ACO2: variants seen among roughly 807,000 people sequenced by gnomAD.
ACO2 encodes aconitase 2.
In ACO2, 31 loss-of-function variants were observed where a neutral mutation model predicts 84.5. That is an observed-to-expected ratio of 0.37 (90% CI 0.28 to 0.50). The LOEUF is 0.50. Ranked by LOEUF, ACO2 falls within the 20% of genes least tolerant of loss-of-function variation. The probability of loss-of-function intolerance (pLI) is 0.97; values close to 1 mark genes in which losing one functional copy is unlikely to be tolerated. For missense variants in ACO2, 685 were observed against 1,029.3 expected (o/e 0.67, Z 4.58); for synonymous variants, 414 against 412.7 (o/e 1.00, Z -0.04).
chr22:41,485,949 GGTGA>G (rs983370261), intron 1 of ACO2, among the ~76,000 whole-genome samples: 94 of 152,168 alleles, frequency 6.2e-4, no homozygotes, highest in African/African-American at 2.1e-3. Context: ...TGCTTCACTT[GGTGA>G]GTCTCTGTGT....
intron 1 of ACO2, among the ~76,000 whole-genome samples, chr22:41,469,734 TATA>T (rs2037919946): frequency 6.6e-6 from 1 of 152,180 alleles, no homozygotes; most frequent in Non-Finnish European, 1.5e-5. Flanking sequence ...TAGTAAATAA[TATA>T]ATAATAGTCT....
chr22:41,480,782 T>G (rs2038077616), intron 1 of ACO2, among the ~76,000 whole-genome samples: 1 of 152,202 alleles, frequency 6.6e-6, no homozygotes. Flanking sequence ...TTTACAAGTC[T>G]TTCTAATCCT....
At chr22:41,486,702 C>T (rs1050349826) in intron 1 of ACO2, among the ~76,000 whole-genome samples, 1 of 151,816 alleles carries the variant, frequency 6.6e-6, no homozygotes. Flanking sequence ...GATCTCCTGA[C>T]GTTGTGATCC....
chr22:41,508,153 C>CCT, intron 3 of ACO2, 104 bp downstream of exon 3: 1 of 1,402,676 alleles, frequency 7.1e-7, no homozygotes, highest in Non-Finnish European at 9.7e-7. Context: ...AATTCTCACA[C>CCT]CTCTTTGGAT....
Position 41,528,899 on chromosome 22 carries a change from C to G in ACO2, c.*286C>G, listed in dbSNP as rs1266756406. ...ACTCCCATCTAAAGTTTTTCTCCTG[C>G]CTGATCATTTCATTGGTGGCTGAAG... On this transcript the variant is annotated 3_prime_UTR_variant, in exon 18 of 18. Coordinates refer to ENST00000216254, the MANE Select transcript of ACO2 (RefSeq NM_001098.3). The G allele has an allele frequency of 1.9e-6, 1 of 522,326 alleles. No homozygotes were observed. Among genetic ancestry groups the G allele is most frequent in the Admixed American group, 3.7e-5 (1 of 27,244 alleles). The allele number at this position is 522,326 out of a possible 1,614,324, so 32.4% of individuals were successfully genotyped here.
At chr22:41,519,002 C>T (rs2066498230) in intron 8 of ACO2, among the ~76,000 whole-genome samples, 1 of 152,126 alleles carries the variant, frequency 6.6e-6, no homozygotes, top group Non-Finnish European at 1.5e-5. Flanking sequence ...CCCAGTGTTC[C>T]TGCAAACTGC....
At position 41,515,563 on chromosome 22, in the gene ACO2, G is replaced by C; in HGVS notation, c.684+28G>C. ...GAGGGTGGGGAGGGACTCATTCTGG[G>C]CTGGCTGTGGGGTGGTGGTTGGTGG... On this transcript the variant is annotated intron_variant, in intron 5 of 17. Transcript: ENST00000216254. This position sits in a 1 kb window ranked among gnomAD's most constrained non-coding sequence, Gnocchi z 5.8. 3 of 1,593,352 alleles carry C rather than the reference G, an allele frequency of 1.9e-6. No homozygotes were observed. The highest frequency in any genetic ancestry group is 2.6e-6 in the Non-Finnish European group (3 of 1,168,944).
At chr22:41,473,176 G>A (rs1423077156) in intron 1 of ACO2, among the ~76,000 whole-genome samples, 1 of 152,142 alleles carries the variant, frequency 6.6e-6, no homozygotes, top group East Asian at 1.9e-4. Context: ...AGGGAGCACA[G>A]CATTACCTTT....
chr22:41,498,069 G>T (rs1393547064), intron 1 of ACO2, among the ~76,000 whole-genome samples: 1 of 152,076 alleles, frequency 6.6e-6, no homozygotes, highest in African/African-American at 2.4e-5. Flanking sequence ...GCTTGAACCC[G>T]GGAGGCGGAG....
intron 2 of ACO2, among the ~76,000 whole-genome samples, chr22:41,503,054 G>A (rs764226724): frequency 1.3e-5 from 2 of 152,154 alleles, no homozygotes; most frequent in African/African-American, 4.8e-5. Context: ...CAAGAGGTTC[G>A]CTTTGAGATA....
At chr22:41,478,051 C>T (rs989117712) in intron 1 of ACO2, among the ~76,000 whole-genome samples, 1 of 151,728 alleles carries the variant, frequency 6.6e-6, no homozygotes, top group Admixed American at 6.6e-5. Context: ...GGCAACAGAG[C>T]GAGACTCTGT....
At chr22:41,491,657 A>G (rs1244246370) in intron 1 of ACO2, among the ~76,000 whole-genome samples, 1 of 152,264 alleles carries the variant, frequency 6.6e-6, no homozygotes, top group African/African-American at 2.4e-5. Flanking sequence ...CACCACTTCT[A>G]GTTTTACGTT....
chr22:41,510,920 C>T (rs1283289525), intron 3 of ACO2, among the ~76,000 whole-genome samples: 2 of 152,206 alleles, frequency 1.3e-5, no homozygotes, highest in African/African-American at 2.4e-5. Flanking sequence ...TCAGCACTTC[C>T]GACAGTCAGA....
At chr22:41,474,062 A>G (rs2037978324) in intron 1 of ACO2, among the ~76,000 whole-genome samples, 1 of 152,252 alleles carries the variant, frequency 6.6e-6, no homozygotes, top group South Asian at 2.1e-4. Context: ...GGAGGCAGGG[A>G]GACCAGTGGG....
chr22:41,518,359 A>G, intron 7 of ACO2, 122 bp from the exon 8 acceptor site: 1 of 715,170 alleles, frequency 1.4e-6, no homozygotes, highest in Non-Finnish European at 2.4e-6. Context: ...TGGTTTCTTC[A>G]TTGGCCTAGT....
At chr22:41,482,261 C>T (rs530244270) in intron 1 of ACO2, among the ~76,000 whole-genome samples, 86 of 152,352 alleles carry the variant, frequency 5.6e-4, no homozygotes, top group African/African-American at 2.0e-3. Flanking sequence ...CAACAACCCC[C>T]TGGAGGACTC....
At chr22:41,527,218 C>G (rs2066618630) in intron 15 of ACO2, 70 bp from the exon 16 acceptor site, 1 of 1,609,034 alleles carries the variant, frequency 6.2e-7, no homozygotes, top group African/African-American at 1.4e-5. Flanking sequence ...TGAGGCCAGG[C>G]AGGTAGGGCC....
rs1389336695 is a variant in ACO2, at chr22:41,507,919, C to T, written c.302C>T (p.Ala101Val). 6.2e-7 allele frequency: 1 copy of T among 1,614,242 alleles called. No homozygotes were observed. The highest frequency in any genetic ancestry group is 2.2e-5 in the East Asian group (1 of 44,886). The change falls in exon 3 of 18, where the codon GCG becomes GTG. Residue 101 changes from alanine to valine, a missense_variant. Ala to Val is a moderately conservative substitution (Grantham distance 64). This residue lies in a region of ACO2 where 92 missense variants were observed against 203.7 expected (regional missense o/e 0.45). Transcript: ENST00000216254. ...CCGGACCGTGTGGCCATGCAGGATG[C>T]GACGGCCCAGATGGCCATGCTCCAG... is the stretch of plus-strand genomic sequence containing the variant. ...LRPDRVAMQDATAQMAMLQFI... is the reference protein window; with the variant it reads ...LRPDRVAMQDVTAQMAMLQFI...
intron 2 of ACO2, among the ~76,000 whole-genome samples, chr22:41,502,342 GA>G (rs957686057): frequency 2.6e-5 from 4 of 152,144 alleles, no homozygotes; most frequent in Non-Finnish European, 5.9e-5. Flanking sequence ...CACTGAGTCA[GA>G]ACCGGCCATT....
Sources: allele counts gnomAD v4.1 joint callset (sites outside exome capture counted in the v4.1 genomes callset), GRCh38; gene constraint gnomAD v4.1.1; regional missense constraint gnomAD v4.1.1; non-coding constraint Gnocchi (gnomAD v3.1); transcripts MANE v1.5; gene names NCBI Gene and HGNC (gene_info 2026-07-23, HGNC 2026-07-21).